The following OXNAD1 variants were observed in gnomAD, a reference collection of about 807,000 sequenced individuals.
OXNAD1 encodes oxidoreductase NAD-binding domain-containing protein 1.
OXNAD1 carries 34 observed loss-of-function variants against 32.9 expected under a neutral mutation model. The observed-to-expected ratio is 1.03, with a 90% CI of 0.79 to 1.38. The LOEUF is 1.38. OXNAD1 is among the 40% of genes most tolerant of loss of function. OXNAD1 has a pLI of 0.00. For synonymous variants in OXNAD1, 134 were observed against 135.2 expected, an observed-to-expected ratio of 0.99 and a Z score of 0.06; for missense variants, 407 against 379.4, an observed-to-expected ratio of 1.07 and a Z score of -0.60.
Position 16,302,865 on chromosome 3 carries a change from G to T in OXNAD1, c.784+117G>T. The T allele has an allele frequency of 1.3e-6, 1 of 770,416 alleles. No individual in the cohort carries two copies. 47.7% of individuals were successfully genotyped at this position (770,416 alleles called of 1,614,324 possible). A position where few individuals can be genotyped will look rare whatever the true frequency, so the allele number is the denominator to read the frequency against. ...TGCTGGCTGGGAATGTCACTATCTG[G>T]GGAATTGGGATGATTCCTCATGGAA... On this transcript the variant is annotated intron_variant, in intron 8 of 8. Coordinates refer to ENST00000285083, the MANE Select transcript of OXNAD1 (RefSeq NM_138381.5). This position sits in a 1 kb window ranked among gnomAD's most constrained non-coding sequence, Gnocchi z 4.2.
chr3:16,286,819 A>G (rs2066107419), intron 5 of OXNAD1, among the ~76,000 whole-genome samples: 1 of 152,138 alleles, frequency 6.6e-6, no homozygotes, highest in Non-Finnish European at 1.5e-5. Context: ...GTTGCAGGAG[A>G]TTCATAGGTT....
chr3:16,308,531 G>GAA (rs1559781107), downstream of OXNAD1, among the ~76,000 whole-genome samples: 1 of 152,068 alleles, frequency 6.6e-6, no homozygotes, highest in South Asian at 2.1e-4. The surrounding 1 kb of genome is among the most constrained non-coding windows in gnomAD (Gnocchi z 4.4). Flanking sequence ...AATTTAACCT[G>GAA]AGAGCCGTTA....
intron 1 of OXNAD1, among the ~76,000 whole-genome samples, chr3:16,267,104 G>A (rs2064575948): frequency 6.6e-6 from 1 of 152,158 alleles, no homozygotes; most frequent in Admixed American, 6.5e-5. Flanking sequence ...GCTTATTGAG[G>A]CATTCTTGGC....
chr3:16,291,173 A>G (rs964778510), intron 5 of OXNAD1, among the ~76,000 whole-genome samples: 3 of 152,202 alleles, frequency 2.0e-5, no homozygotes, highest in Non-Finnish European at 2.9e-5. Flanking sequence ...CAGAGGCCAT[A>G]TCGGCCTATT....
chr3:16,293,625 G>A (rs2066571710), intron 5 of OXNAD1, among the ~76,000 whole-genome samples: 1 of 152,020 alleles, frequency 6.6e-6, no homozygotes, highest in Non-Finnish European at 1.5e-5. Flanking sequence ...TAAGTAGGAT[G>A]TTAGTTGTTC....
chr3:16,313,530 T>C (rs1005285263), intron 9 of OXNAD1: 10 of 152,210 alleles, frequency 6.6e-5, no homozygotes, highest in African/African-American at 2.4e-4. Context: ...ATCTGCCACA[T>C]TGATTACCTA....
In OXNAD1 at chr3:16,344,182, G is replaced by T. The variant is rs1250735057; in HGVS notation, c.*31-4994G>T. Among the ~76,000 whole-genome samples the T allele has an allele frequency of 1.3e-5, 2 of 152,128 alleles. No individual in the cohort carries two copies. Among genetic ancestry groups the T allele is most frequent in the Admixed American group, 6.5e-5 (1 of 15,280 alleles). On this transcript the variant is annotated intron_variant, in intron 9 of 9. Transcript: ENST00000606098. This position sits in a 1 kb window ranked among gnomAD's most constrained non-coding sequence, Gnocchi z 4.4. ...ACTTTTTGGAGCTTAAATACAATTT[G>T]TTGATACTTAAATGTATTCCTATTA...
At chr3:16,310,274 T>A (rs1418227758), downstream of OXNAD1, among the ~76,000 whole-genome samples, 3 of 152,232 alleles carry the variant, frequency 2.0e-5, no homozygotes, top group Non-Finnish European at 4.4e-5. Context: ...TGCTAGTTGT[T>A]CTTTCTTCTA....
Position 16,322,777 on chromosome 3 carries a change from T to C in OXNAD1, c.*31-14335T>C, listed in dbSNP as rs2069223031. ...CTCTGTGCGACTGTTTCTAGGGTAG[T>C]TCAGAGTCCGGAGAGGGGGAAAAGG... is the stretch of plus-strand genomic sequence containing the variant. On this transcript the variant is annotated intron_variant, in intron 9 of 9. Transcript: ENST00000435829. This position sits in a 1 kb window ranked among gnomAD's most constrained non-coding sequence, Gnocchi z 6.2. 6.6e-6 allele frequency among the ~76,000 whole-genome samples: 1 copy of C among 152,132 alleles called. No individual in the cohort carries two copies. The highest frequency in any genetic ancestry group is 1.5e-5 in the Non-Finnish European group (1 of 68,010).
chr3:16,349,224 C>T (rs1575089653), exon 10 of OXNAD1: 1 of 152,232 alleles, frequency 6.6e-6, no homozygotes, highest in African/African-American at 2.4e-5. Flanking sequence ...AAAAGAATTT[C>T]AGAGGCTCAG....
chr3:16,329,174 C>A lies in OXNAD1; in HGVS notation c.*31-7938C>A, dbSNP rs867837129. ...CTCTCTCCCCTCTTTTCTGCGCTTC[C>A]GCCTCGGGATGACGCAGCAAGAAGG... On this transcript the variant is annotated intron_variant, in intron 9 of 9. Coordinates refer to the OXNAD1 transcript ENST00000435829. The surrounding 1 kb of genome is among the most constrained non-coding windows in gnomAD (Gnocchi z 4.5). Among the ~76,000 whole-genome samples, 1 of 152,178 alleles carries A rather than the reference C, an allele frequency of 6.6e-6. No homozygotes were observed. Among genetic ancestry groups the A allele is most frequent in the African/African-American group, 2.4e-5 (1 of 41,444 alleles).
intron 6 of OXNAD1, among the ~76,000 whole-genome samples, chr3:16,296,034 T>A (rs1028919860): frequency 3.3e-5 from 5 of 152,144 alleles, no homozygotes; most frequent in African/African-American, 1.2e-4. Context: ...GGGGTGGGAC[T>A]TACAGCTCTT....
Position 16,303,427 on chromosome 3 carries a change from G to A in OXNAD1, c.804G>A (p.Lys268=). 1 of 1,613,880 alleles carries A rather than the reference G, an allele frequency of 6.2e-7. No homozygotes were observed. The highest frequency in any genetic ancestry group is 2.2e-5 in the East Asian group (1 of 44,872). ...PYITEGRITE[K]EIRDHISKET... Reference sequence around the variant, plus strand: ...TGGTAGAAGGAAGAATAACGGAGAAGGAGATAAGAGATCATATTTCAAAAG... The same window carrying A: ...TGGTAGAAGGAAGAATAACGGAGAAAGAGATAAGAGATCATATTTCAAAAG... The change falls in exon 9 of 9, where the codon AAG becomes AAA. Residue 268 remains lysine (K), a synonymous_variant. Coordinates refer to ENST00000285083, the MANE Select transcript of OXNAD1 (RefSeq NM_138381.5). The surrounding 1 kb of genome is among the most constrained non-coding windows in gnomAD (Gnocchi z 4.8).
At chr3:16,339,009 G>A (rs1036777713), downstream of OXNAD1, among the ~76,000 whole-genome samples, 1 of 152,170 alleles carries the variant, frequency 6.6e-6, no homozygotes, top group African/African-American at 2.4e-5. Context: ...AAAACCTTAA[G>A]AGACAGGGAA....
At chr3:16,278,916 G>A (rs2065544787) in intron 4 of OXNAD1, among the ~76,000 whole-genome samples, 1 of 152,222 alleles carries the variant, frequency 6.6e-6, no homozygotes. Flanking sequence ...CTGCTTAGCT[G>A]CAGAGTGGAC....
chr3:16,279,293 T>C (rs970897351), intron 4 of OXNAD1, among the ~76,000 whole-genome samples: 3 of 152,146 alleles, frequency 2.0e-5, no homozygotes, highest in African/African-American at 4.8e-5. Context: ...CTGATGGCCC[T>C]GGCAGCTGGC....
At chr3:16,311,085 T>TAC (rs1252543405), downstream of OXNAD1, among the ~76,000 whole-genome samples, 3 of 151,200 alleles carry the variant, frequency 2.0e-5, no homozygotes, top group East Asian at 5.8e-4. Context: ...CCCACATGCA[T>TAC]ACCATGGCAC....
At chr3:16,325,577 T>C (rs1469456368) in intron 9 of OXNAD1, among the ~76,000 whole-genome samples, 1 of 152,146 alleles carries the variant, frequency 6.6e-6, no homozygotes, top group Non-Finnish European at 1.5e-5. Flanking sequence ...AGACTTGGGT[T>C]CAAGTCTTCA....
At chr3:16,350,507 TA>T (rs1244241570), downstream of OXNAD1, among the ~76,000 whole-genome samples, 11 of 144,228 alleles carry the variant, frequency 7.6e-5, no homozygotes, top group Admixed American at 6.9e-4. Flanking sequence ...TTTTTTTTTT[TA>T]AAGGAAAAGG....
Sources: gnomAD v4.1 joint callset for allele counts (sites outside exome capture counted in the v4.1 genomes callset) on GRCh38, gnomAD v4.1.1 for gene constraint, Gnocchi (gnomAD v3.1) non-coding constraint, MANE v1.5 for transcripts, NCBI Gene and HGNC (gene_info 2026-07-23, HGNC 2026-07-21) for gene names.